HOOK3: variants seen among roughly 807,000 people sequenced by gnomAD.
HOOK3 encodes the protein hook microtubule tethering protein 3.
Under a neutral mutation model 116.3 loss-of-function variants are expected in HOOK3, and 24 were observed. That is an observed-to-expected ratio of 0.21 (90% CI 0.15 to 0.29). The LOEUF (loss-of-function observed/expected upper bound fraction) is 0.29, where lower values mean the gene tolerates loss of function less well. Among genes scored for constraint, HOOK3 ranks in the 10% least tolerant of loss-of-function variants. The pLI is 1.00. For synonymous variants in HOOK3, 275 were observed against 283.0 expected (o/e 0.97, Z 0.28); for missense variants, 632 against 830.2 (o/e 0.76, Z 2.93).
chr8:42,918,494 A>G (rs1333409306), intron 2 of HOOK3, among the ~76,000 whole-genome samples: 1 of 152,012 alleles, frequency 6.6e-6, no homozygotes, highest in Non-Finnish European at 1.5e-5. Flanking sequence ...TGGCAGGGTC[A>G]TAGGACAAAA....
chr8:43,002,044 A>T, intron 16 of HOOK3, 63 bp from the exon 17 acceptor site: 1 of 1,135,568 alleles, frequency 8.8e-7, no homozygotes, highest in Non-Finnish European at 1.3e-6. Flanking sequence ...CTTTTAACTT[A>T]AAAGAAAATA....
chr8:42,944,766 C>G (rs1361972539), intron 5 of HOOK3, among the ~76,000 whole-genome samples: 1 of 152,102 alleles, frequency 6.6e-6, no homozygotes, highest in Non-Finnish European at 1.5e-5. Flanking sequence ...TTGCATTGAG[C>G]CAAGATTGTG....
In HOOK3 at chr8:43,019,140, C is replaced by G. The variant is rs1478435446; in HGVS notation, c.*642C>G. On this transcript the variant is annotated 3_prime_UTR_variant, in exon 22 of 22. Coordinates refer to ENST00000307602, the MANE Select transcript of HOOK3 (RefSeq NM_032410.4). Reference sequence around the variant, plus strand: ...TTAAATTTGTCCAAAGATTTGGAGACTATTTTTAAAACATAAATACATAAA... The same window carrying G: ...TTAAATTTGTCCAAAGATTTGGAGAGTATTTTTAAAACATAAATACATAAA... The G allele has an allele frequency of 4.8e-6, 1 of 208,242 alleles. No homozygotes were observed. Among genetic ancestry groups the G allele is most frequent in the African/African-American group, 2.3e-5 (1 of 44,020 alleles). 12.9% of individuals were successfully genotyped at this position (208,242 alleles called of 1,614,324 possible).
At chr8:42,897,526 G>A (rs982883875) in intron 1 of HOOK3, among the ~76,000 whole-genome samples, 3 of 152,248 alleles carry the variant, frequency 2.0e-5, no homozygotes, top group Non-Finnish European at 4.4e-5. Flanking sequence ...CCTCGCCTTT[G>A]TTGCCGCGTT....
At chr8:42,993,831 G>A (rs567543354) in intron 15 of HOOK3, among the ~76,000 whole-genome samples, 43 of 151,970 alleles carry the variant, frequency 2.8e-4, no homozygotes, top group East Asian at 5.8e-4. Flanking sequence ...AATTTCTCCG[G>A]TATCAGTTGT....
chr8:42,966,183 A>G (rs1211051832), intron 9 of HOOK3, among the ~76,000 whole-genome samples: 2 of 152,172 alleles, frequency 1.3e-5, no homozygotes, highest in African/African-American at 4.8e-5. Flanking sequence ...TGTTAATTTT[A>G]TAATAAAAAA....
intron 4 of HOOK3, among the ~76,000 whole-genome samples, chr8:42,939,514 G>A (rs1273366535): frequency 1.3e-4 from 19 of 147,824 alleles, no homozygotes; most frequent in South Asian, 2.1e-4. Context: ...CGGCTGGCCG[G>A]GCGGGGGGCT....
chr8:42,931,782 T>G (rs764840167), intron 4 of HOOK3, among the ~76,000 whole-genome samples: 2 of 151,258 alleles, frequency 1.3e-5, no homozygotes, highest in Non-Finnish European at 2.9e-5. Context: ...TTTGACAGAT[T>G]CTCGCTGTGT....
chr8:43,010,991 T>C (rs1267604904), intron 19 of HOOK3, among the ~76,000 whole-genome samples: 1 of 150,310 alleles, frequency 6.7e-6, no homozygotes, highest in Admixed American at 6.6e-5. Context: ...GTTAAGGGGG[T>C]CCATTTTCTT....
At chr8:42,999,722 A>C (rs1235053012) in intron 16 of HOOK3, among the ~76,000 whole-genome samples, 1 of 152,214 alleles carries the variant, frequency 6.6e-6, no homozygotes, top group Admixed American at 6.5e-5. Flanking sequence ...TGTTTTTAGC[A>C]TGGAAGCAGA....
Position 42,999,428 on chromosome 8 carries a change from G to A in HOOK3, c.1620+1791G>A, listed in dbSNP as rs80202392. Reference sequence around the variant, plus strand: ...AAAAGATTCAGATAGCTGAAACTGTGCCTCCAAATGGCTTAGAGAAATAAG... The same window carrying A: ...AAAAGATTCAGATAGCTGAAACTGTACCTCCAAATGGCTTAGAGAAATAAG... On this transcript the variant is annotated intron_variant, in intron 16 of 21. Transcript: ENST00000307602. Among the ~76,000 whole-genome samples the A allele has an allele frequency of 6.0e-3, 918 of 152,314 alleles. 6 individuals carry two copies. Among genetic ancestry groups the A allele is most frequent in the Non-Finnish European group, 9.9e-3 (674 of 68,026 alleles).
In HOOK3 at chr8:43,023,686, C is replaced by T. The variant is rs913155718; in HGVS notation, c.*5188C>T. On this transcript the variant is annotated 3_prime_UTR_variant, in exon 22 of 22. Transcript: ENST00000307602. ...ATGTTGGCCAGGCTGGTCTCTAACTCCTGACCTCAGGTGATCCGTCCACCT... is the reference window on the plus strand; with the variant it reads ...ATGTTGGCCAGGCTGGTCTCTAACTTCTGACCTCAGGTGATCCGTCCACCT... 5.6e-6 allele frequency: 1 copy of T among 179,908 alleles called. No individual in the cohort carries two copies. Among genetic ancestry groups the T allele is most frequent in the African/African-American group, 2.4e-5 (1 of 42,364 alleles). 11.1% of individuals were successfully genotyped at this position (179,908 alleles called of 1,614,324 possible). A position where few individuals can be genotyped will look rare whatever the true frequency, so the allele number is the denominator to read the frequency against.
At chr8:42,945,738 T>C (rs1459317889) in intron 5 of HOOK3, among the ~76,000 whole-genome samples, 1 of 152,232 alleles carries the variant, frequency 6.6e-6, no homozygotes, top group East Asian at 1.9e-4. Flanking sequence ...TATCAATAAA[T>C]GGAATGTAAA....
chr8:42,905,369 C>T (rs988639346), intron 1 of HOOK3, among the ~76,000 whole-genome samples: 6 of 140,702 alleles, frequency 4.3e-5, no homozygotes, highest in Non-Finnish European at 9.0e-5. Flanking sequence ...TTCTTTCTAG[C>T]TCTTCTCTCT....
At chr8:42,969,233 T>TA (rs1169327039) in intron 11 of HOOK3, among the ~76,000 whole-genome samples, 3 of 152,164 alleles carry the variant, frequency 2.0e-5, no homozygotes, top group Non-Finnish European at 4.4e-5. Flanking sequence ...TTCAATGTAG[T>TA]TAGATATTAG....
At chr8:43,016,040 T>C (rs1809708680) in intron 21 of HOOK3, among the ~76,000 whole-genome samples, 1 of 151,706 alleles carries the variant, frequency 6.6e-6, no homozygotes, top group Non-Finnish European at 1.5e-5. Flanking sequence ...CTGGATTGAT[T>C]TTTATGACTT....
chr8:42,963,930 G>A (rs558457164), intron 8 of HOOK3, among the ~76,000 whole-genome samples: 2 of 152,326 alleles, frequency 1.3e-5, no homozygotes, highest in Admixed American at 1.3e-4. Context: ...TTTAATGGCC[G>A]GGCGCAGTGG....
intron 2 of HOOK3, among the ~76,000 whole-genome samples, chr8:42,910,510 A>G (rs1337085095): frequency 6.6e-6 from 1 of 152,224 alleles, no homozygotes; most frequent in Non-Finnish European, 1.5e-5. Context: ...CCGCTATGCC[A>G]AAGATAGCCA....
At chr8:42,937,842 G>A (rs1457831796) in intron 4 of HOOK3, among the ~76,000 whole-genome samples, 5 of 152,174 alleles carry the variant, frequency 3.3e-5, no homozygotes, top group Non-Finnish European at 7.4e-5. Flanking sequence ...GTGCAATGTG[G>A]TGCTGAGAAG....
Sources: allele counts gnomAD v4.1 joint callset (sites outside exome capture counted in the v4.1 genomes callset), GRCh38; gene constraint gnomAD v4.1.1; transcripts MANE v1.5; gene names NCBI Gene and HGNC (gene_info 2026-07-23, HGNC 2026-07-21).